The following DGKI variants were observed in gnomAD, a reference collection of about 807,000 sequenced individuals.
DGKI encodes diacylglycerol kinase iota, also known as DAG kinase iota.
Under a neutral mutation model 147.5 loss-of-function variants are expected in DGKI, and 55 were observed. The observed-to-expected ratio is 0.37, with a 90% CI of 0.30 to 0.47. DGKI has a LOEUF of 0.47. DGKI is among the 20% of genes least tolerant of loss of function. The pLI is 1.00. For missense variants in DGKI, 1,007 were observed against 1,323.8 expected (o/e 0.76, Z 3.71); for synonymous variants, 469 against 477.1 (o/e 0.98, Z 0.22).
chr7:137,601,493 A>C (rs867158733), intron 10 of DGKI, among the ~76,000 whole-genome samples: 1 of 152,234 alleles, frequency 6.6e-6, no homozygotes, highest in South Asian at 2.1e-4. Flanking sequence ...TGCATTTAAG[A>C]GTCATCCCAG....
chr7:137,619,685 G>A (rs1265067351), intron 8 of DGKI, 139 bp downstream of exon 8: 1 of 668,092 alleles, frequency 1.5e-6, no homozygotes, highest in Non-Finnish European at 2.6e-6. Flanking sequence ...GGGATGAACT[G>A]AGGAAGCTAA....
chr7:137,521,194 T>A (rs181362439), intron 21 of DGKI, among the ~76,000 whole-genome samples: 112 of 152,196 alleles, frequency 7.4e-4, no homozygotes, highest in Non-Finnish European at 1.1e-3. Flanking sequence ...ACAGATTTAA[T>A]GCAGTGATCA....
At chr7:137,495,621 A>G (rs1173079468) in intron 21 of DGKI, among the ~76,000 whole-genome samples, 3 of 151,950 alleles carry the variant, frequency 2.0e-5, no homozygotes, top group Non-Finnish European at 4.4e-5. Context: ...ATGGTCAAGT[A>G]GGCTTTATCC....
chr7:137,794,747 T>G (rs1280838454), intron 1 of DGKI, among the ~76,000 whole-genome samples: 1 of 152,220 alleles, frequency 6.6e-6, no homozygotes. Context: ...GTTTCTAAGT[T>G]GAGACAGATA....
intron 1 of DGKI, among the ~76,000 whole-genome samples, chr7:137,763,991 G>A (rs552486764): frequency 3.7e-4 from 56 of 152,354 alleles, no homozygotes; most frequent in Non-Finnish European, 2.9e-5. Context: ...TTTGTTCAGT[G>A]TTTGCATATT....
intron 1 of DGKI, among the ~76,000 whole-genome samples, chr7:137,825,790 G>C (rs1187969882): frequency 6.6e-6 from 1 of 152,122 alleles, no homozygotes; most frequent in Non-Finnish European, 1.5e-5. Context: ...TAACAGACTT[G>C]TTTTCTGAAT....
chr7:137,696,320 A>C (rs550531146), intron 1 of DGKI, among the ~76,000 whole-genome samples: 128 of 151,946 alleles, frequency 8.4e-4, no homozygotes, highest in African/African-American at 3.0e-3. Flanking sequence ...AAAGCACCGC[A>C]CACTTTCCTC....
intron 1 of DGKI, among the ~76,000 whole-genome samples, chr7:137,699,055 T>C (rs1823888786): frequency 6.6e-6 from 1 of 152,230 alleles, no homozygotes; most frequent in Non-Finnish European, 1.5e-5. Flanking sequence ...CTCACAGTTC[T>C]GGAGGTTGGA....
chr7:137,781,283 T>G (rs1796512535), intron 1 of DGKI, among the ~76,000 whole-genome samples: 1 of 152,164 alleles, frequency 6.6e-6, no homozygotes, highest in African/African-American at 2.4e-5. Context: ...AGCAACGCAT[T>G]GTTTTTGTCT....
chr7:137,426,238 C>T (rs142565901), intron 28 of DGKI, among the ~76,000 whole-genome samples: 11 of 152,022 alleles, frequency 7.2e-5, no homozygotes, highest in Admixed American at 2.6e-4. Context: ...GAGTGGGGGC[C>T]GATATTCAAC....
chr7:137,569,476 C>A lies in DGKI; in HGVS notation c.1947+1699G>T, dbSNP rs976517895. ...GGGTGCGGTGGCTCACGCCTGTAATCCCAGCACTTTGGGAGGCTGAGGTGG... is the reference window on the plus strand; with the variant it reads ...GGGTGCGGTGGCTCACGCCTGTAATACCAGCACTTTGGGAGGCTGAGGTGG... On this transcript the variant is annotated intron_variant, in intron 19 of 32. Coordinates refer to ENST00000614521, the MANE Select transcript of DGKI (RefSeq NM_001321708.2). Among the ~76,000 whole-genome samples, 54 of 151,898 alleles carry A rather than the reference C, an allele frequency of 3.6e-4. 1 individual carries two copies. Among genetic ancestry groups the A allele is most frequent in the Non-Finnish European group, 1.2e-4 (8 of 67,974 alleles).
chr7:137,624,902 G>T (rs572970374), intron 6 of DGKI, among the ~76,000 whole-genome samples: 1 of 151,450 alleles, frequency 6.6e-6, no homozygotes, highest in Non-Finnish European at 1.5e-5. Context: ...CATCTCGCCC[G>T]GCCTTCTCTC....
At chr7:137,550,776 T>C (rs777478738) in intron 20 of DGKI, among the ~76,000 whole-genome samples, 1 of 152,218 alleles carries the variant, frequency 6.6e-6, no homozygotes, top group Non-Finnish European at 1.5e-5. Flanking sequence ...TGCCTATATA[T>C]AGTAAAAACT....
chr7:137,410,054 T>C (rs1262010837), intron 29 of DGKI, among the ~76,000 whole-genome samples: 3 of 152,072 alleles, frequency 2.0e-5, no homozygotes, highest in Non-Finnish European at 4.4e-5. Context: ...TAAGAAAATA[T>C]GTAAGAGAGA....
intron 1 of DGKI, among the ~76,000 whole-genome samples, chr7:137,701,618 T>C (rs529229650): frequency 9.2e-5 from 14 of 152,046 alleles, no homozygotes; most frequent in Non-Finnish European, 1.8e-4. Flanking sequence ...ACATGCATTA[T>C]TAAAGGACAG....
intron 20 of DGKI, among the ~76,000 whole-genome samples, chr7:137,536,867 G>A (rs1323231731): frequency 6.6e-6 from 1 of 152,074 alleles, no homozygotes; most frequent in Non-Finnish European, 1.5e-5. Flanking sequence ...CCCAGGCAGA[G>A]TGAGGGAACT....
chr7:137,792,159 G>A lies in DGKI; in HGVS notation c.401+54303C>T, dbSNP rs1449351995. Among the ~76,000 whole-genome samples the A allele has an allele frequency of 2.6e-5, 4 of 152,170 alleles. No homozygotes were observed. The South Asian group carries it at 8.3e-4, about 32-fold the overall frequency. On this transcript the variant is annotated intron_variant, in intron 1 of 32. Transcript: ENST00000614521. ...GTGCTATGAAACACAGACAGGGGGA[G>A]CCGGCTTCCAAGAATCACAAGCATA...
rs1819359459 is a variant in DGKI at position 137,585,461 on chromosome 7, G to T, written c.1426-115C>A. ...TATTGTTTATTTTATAATTAGCAAGGTTTGAAGAGCAAATTTTTTACCTTG... is the reference window on the plus strand; with the variant it reads ...TATTGTTTATTTTATAATTAGCAAGTTTTGAAGAGCAAATTTTTTACCTTG... On this transcript the variant is annotated intron_variant, in intron 13 of 32. Transcript: ENST00000614521. The T allele has an allele frequency of 3.8e-6, 5 of 1,307,922 alleles. No homozygotes were observed. The African/African-American group carries it at 7.4e-5, about 19-fold the overall frequency. 81.0% of individuals were successfully genotyped at this position (1,307,922 alleles called of 1,614,324 possible).
At chr7:137,654,852 GAAAAA>G (rs376136379) in intron 4 of DGKI, 64 bp from the exon 5 acceptor site, 4 of 696,712 alleles carry the variant, frequency 5.7e-6, no homozygotes, top group Non-Finnish European at 8.9e-6. Context: ...TGAATTACCT[GAAAAA>G]AAAAAAAACA....
Sources: gnomAD v4.1 joint callset for allele counts (sites outside exome capture counted in the v4.1 genomes callset) on GRCh38, gnomAD v4.1.1 for gene constraint, MANE v1.5 for transcripts, NCBI Gene and HGNC (gene_info 2026-07-23, HGNC 2026-07-21) for gene names.